The following RAP1A variants were observed in gnomAD, a reference collection of about 807,000 sequenced individuals.
RAP1A encodes RAP1A, member of RAS oncogene family, also known as ras-related protein Rap-1A.
Under a neutral mutation model 26.4 loss-of-function variants are expected in RAP1A, and 6 were observed. The observed-to-expected ratio is 0.23, with a 90% confidence interval of 0.12 to 0.45. The LOEUF (loss-of-function observed/expected upper bound fraction) is 0.45, where lower values mean the gene tolerates loss of function less well. RAP1A is among the 20% of genes least tolerant of loss of function. The pLI is 0.99. For missense variants in RAP1A, 121 were observed against 217.2 expected (o/e 0.56, Z 2.78); for synonymous variants, 73 against 79.4 (o/e 0.92, Z 0.43).
At chr1:111,688,265 CTGTG>C (rs60277735) in intron 1 of RAP1A, among the ~76,000 whole-genome samples, 18,178 of 135,306 alleles carry the variant, frequency 0.13, 1,422 homozygotes, top group South Asian at 0.18. Flanking sequence ...CACAAGAAGT[CTGTG>C]TGTGTGTGTG....
intron 1 of RAP1A, among the ~76,000 whole-genome samples, chr1:111,660,377 T>A (rs1262616871): frequency 6.6e-6 from 1 of 152,216 alleles, no homozygotes; most frequent in African/African-American, 2.4e-5. Context: ...TATACCTAAG[T>A]GTAGATGTTT....
intron 1 of RAP1A, chr1:111,542,622 C>G (rs547887636): frequency 6.5e-6 from 1 of 153,930 alleles, no homozygotes; most frequent in African/African-American, 2.4e-5. Context: ...TATGTGCAAA[C>G]TAACCATAGT....
Position 111,596,090 on chromosome 1 carries a change from G to C in RAP1A, c.-28+53581G>C, listed in dbSNP as rs565185862. 2.6e-5 allele frequency among the ~76,000 whole-genome samples: 4 copies of C among 152,296 alleles called. No individual in the cohort carries two copies. The East Asian group carries it at 7.7e-4, about 29-fold the overall frequency. On this transcript the variant is annotated intron_variant, in intron 1 of 7. Coordinates refer to the RAP1A transcript ENST00000356415. ...TGCTCTACATTATGCTGCCTCCCTT[G>C]TTAAACCTAACAGATAAACATAAGT...
chr1:111,634,224 A>G (rs976723940), intron 1 of RAP1A, among the ~76,000 whole-genome samples: 3 of 152,180 alleles, frequency 2.0e-5, no homozygotes, highest in Non-Finnish European at 4.4e-5. Context: ...TGCCCTTTAT[A>G]TGAAGGACCA....
intron 1 of RAP1A, among the ~76,000 whole-genome samples, chr1:111,614,138 C>T (rs899263944): frequency 3.9e-5 from 6 of 152,172 alleles, no homozygotes; most frequent in Non-Finnish European, 8.8e-5. Context: ...TGAGGCCTTG[C>T]TAATTAATAG....
At chr1:111,554,647 G>A (rs372255931) in intron 1 of RAP1A, among the ~76,000 whole-genome samples, 136 of 152,304 alleles carry the variant, frequency 8.9e-4, no homozygotes, top group African/African-American at 3.1e-3. Context: ...GGAATATGGT[G>A]AAAAAATAAT....
intron 6 of RAP1A, 149 bp downstream of exon 6, chr1:111,704,635 A>AT (rs1284040904): frequency 2.2e-6 from 2 of 889,248 alleles, no homozygotes; most frequent in Non-Finnish European, 3.2e-6. Context: ...TGGAAACTAT[A>AT]TTTTTTAGCT....
intron 1 of RAP1A, among the ~76,000 whole-genome samples, chr1:111,690,171 A>G (rs1232365310): frequency 6.6e-6 from 1 of 152,064 alleles, no homozygotes; most frequent in East Asian, 1.9e-4. Context: ...CTTTGTTAGG[A>G]AGCATCTAGA....
At chr1:111,570,864 TCAAA>T (rs1194554249) in intron 1 of RAP1A, among the ~76,000 whole-genome samples, 1 of 152,158 alleles carries the variant, frequency 6.6e-6, no homozygotes, top group Non-Finnish European at 1.5e-5. Context: ...CCTCCGTGAC[TCAAA>T]CAACTCCCAC....
At chr1:111,547,004 C>G (rs1169128049) in intron 1 of RAP1A, among the ~76,000 whole-genome samples, 1 of 152,062 alleles carries the variant, frequency 6.6e-6, no homozygotes, top group Non-Finnish European at 1.5e-5. Context: ...GAACAATGCC[C>G]AAGGATTGTG....
intron 1 of RAP1A, among the ~76,000 whole-genome samples, chr1:111,578,024 T>A (rs1658179568): frequency 6.6e-6 from 1 of 152,210 alleles, no homozygotes; most frequent in Non-Finnish European, 1.5e-5. Flanking sequence ...TAATCAAGTA[T>A]CTCAGGTGCT....
chr1:111,573,945 A>G (rs1051349962), intron 1 of RAP1A, among the ~76,000 whole-genome samples: 10 of 152,156 alleles, frequency 6.6e-5, no homozygotes, highest in African/African-American at 2.2e-4. Context: ...TGCTGTGCAG[A>G]AGCTCTTTAG....
intron 1 of RAP1A, among the ~76,000 whole-genome samples, chr1:111,639,032 A>G (rs1233833757): frequency 1.3e-5 from 2 of 152,176 alleles, no homozygotes; most frequent in Non-Finnish European, 2.9e-5. Context: ...AATACTTGGA[A>G]CCATAACATT....
intron 1 of RAP1A, among the ~76,000 whole-genome samples, chr1:111,667,813 T>C (rs766563745): frequency 7.2e-5 from 11 of 152,132 alleles, no homozygotes; most frequent in Non-Finnish European, 1.3e-4. Flanking sequence ...GGAACTGACA[T>C]AAGATATGCT....
At chr1:111,567,785 C>T (rs1352906261) in intron 1 of RAP1A, among the ~76,000 whole-genome samples, 1 of 152,240 alleles carries the variant, frequency 6.6e-6, no homozygotes, top group Non-Finnish European at 1.5e-5. Context: ...CCAGAACATA[C>T]TGACAAAGTG....
chr1:111,576,319 C>T (rs1269232663), intron 1 of RAP1A, among the ~76,000 whole-genome samples: 1 of 152,128 alleles, frequency 6.6e-6, no homozygotes, highest in East Asian at 1.9e-4. Context: ...CCAAATACAT[C>T]GAGTGGCCAG....
chr1:111,646,990 G>A (rs1423657223), intron 1 of RAP1A, among the ~76,000 whole-genome samples: 2 of 152,168 alleles, frequency 1.3e-5, no homozygotes, highest in African/African-American at 4.8e-5. Context: ...TTGGGTAACT[G>A]GTCATATTTT....
intron 1 of RAP1A, among the ~76,000 whole-genome samples, chr1:111,675,519 A>G (rs1661101939): frequency 6.6e-6 from 1 of 152,114 alleles, no homozygotes; most frequent in Non-Finnish European, 1.5e-5. Context: ...CTGTTCGTCC[A>G]TCCTTCCCTA....
At chr1:111,646,337 C>G (rs892692971) in intron 1 of RAP1A, among the ~76,000 whole-genome samples, 1 of 150,184 alleles carries the variant, frequency 6.7e-6, no homozygotes, top group Admixed American at 6.6e-5. Flanking sequence ...AGATCCCTGC[C>G]AATTAGAGCT....
Sources: allele counts gnomAD v4.1 joint callset (sites outside exome capture counted in the v4.1 genomes callset), GRCh38; gene constraint gnomAD v4.1.1; transcripts MANE v1.5; gene names NCBI Gene and HGNC (gene_info 2026-07-23, HGNC 2026-07-21).